Variants in CCSER1 observed in about 807,000 individuals in gnomAD.
CCSER1 encodes the protein serine-rich coiled-coil domain-containing protein 1.
CCSER1 carries 41 observed loss-of-function variants against 82.0 expected under a neutral mutation model. That is an observed-to-expected ratio of 0.50 (90% CI 0.39 to 0.65). The LOEUF is 0.65. Ranked by LOEUF, CCSER1 falls within the 30% of genes least tolerant of loss-of-function variation. The pLI, the probability that CCSER1 is intolerant of heterozygous loss-of-function variation, is 0.00. For missense variants in CCSER1, 1,119 were observed against 1,064.2 expected (o/e 1.05, Z -0.72); for synonymous variants, 414 against 383.9 (o/e 1.08, Z -0.92).
chr4:91,057,111 T>C lies in CCSER1; in HGVS notation c.2173-28839T>C, dbSNP rs115338071. Reference sequence around the variant, plus strand: ...AATCAGCAAGTAGAACAAAGATCCCTGATATTTGGAGGACAAGGTCCTTAT... The same window carrying C: ...AATCAGCAAGTAGAACAAAGATCCCCGATATTTGGAGGACAAGGTCCTTAT... On this transcript the variant is annotated intron_variant, in intron 9 of 10. Transcript: ENST00000509176. 4.7e-3 allele frequency among the ~76,000 whole-genome samples: 711 copies of C among 152,226 alleles called. 7 individuals are homozygous for C. Among genetic ancestry groups the C allele is most frequent in the African/African-American group, 0.016 (660 of 41,532 alleles).
In CCSER1 at chr4:91,487,506, T is replaced by A. The variant is rs1402363021; in HGVS notation, c.2218-111066T>A. Among the ~76,000 whole-genome samples, 3 of 152,130 alleles carry A rather than the reference T, an allele frequency of 2.0e-5. No individual in the cohort carries two copies. In the East Asian group the frequency reaches 5.8e-4, roughly 29 times the overall value. On this transcript the variant is annotated intron_variant, in intron 10 of 10. Transcript: ENST00000509176. ...AAAGTAAAAGTTCTAATGGAACAGG[T>A]AGTAAGTCAGGAAATGGGTACTTTA...
At chr4:90,662,144 G>A (rs556410093) in intron 6 of CCSER1, among the ~76,000 whole-genome samples, 86 of 151,810 alleles carry the variant, frequency 5.7e-4, no homozygotes, top group African/African-American at 1.8e-3. Flanking sequence ...GACTACAGGC[G>A]CTCGCCACCA....
At chr4:91,525,792 T>C (rs1053918188) in intron 10 of CCSER1, among the ~76,000 whole-genome samples, 5 of 152,096 alleles carry the variant, frequency 3.3e-5, no homozygotes, top group Non-Finnish European at 5.9e-5. Flanking sequence ...CCTATGGACT[T>C]TGATACTGTA....
At chr4:90,756,171 T>C (rs1243767234) in intron 7 of CCSER1, among the ~76,000 whole-genome samples, 1 of 152,128 alleles carries the variant, frequency 6.6e-6, no homozygotes. Flanking sequence ...GAGATTGCAG[T>C]GAGCTGAGAT....
intron 1 of CCSER1, among the ~76,000 whole-genome samples, chr4:90,278,242 G>A (rs532300228): frequency 2.0e-5 from 3 of 152,162 alleles, no homozygotes; most frequent in East Asian, 1.9e-4. Flanking sequence ...ATGCAAATTC[G>A]TCCAGCCACT....
intron 1 of CCSER1, among the ~76,000 whole-genome samples, chr4:90,188,341 AT>A (rs1367541567): frequency 6.6e-6 from 1 of 151,962 alleles, no homozygotes; most frequent in African/African-American, 2.4e-5. Context: ...TTATCAGTAT[AT>A]ATTTTTCAGT....
At chr4:91,271,015 T>C (rs980989506) in intron 10 of CCSER1, among the ~76,000 whole-genome samples, 1 of 152,200 alleles carries the variant, frequency 6.6e-6, no homozygotes, top group Admixed American at 6.5e-5. Context: ...CACTAACTTA[T>C]TCTTAAATAT....
chr4:90,276,186 TTTTCTTTCTTTCTTTCTTTC>T (rs1158531206), intron 1 of CCSER1, among the ~76,000 whole-genome samples: 21 of 113,316 alleles, frequency 1.9e-4, no homozygotes, highest in African/African-American at 4.0e-4. Flanking sequence ...TTGAACACTG[TTTTCTTTCTTTCTTTCTTTC>T]TTTCTTTCTT....
At chr4:91,385,377 T>C (rs1191475865) in intron 10 of CCSER1, among the ~76,000 whole-genome samples, 3 of 151,892 alleles carry the variant, frequency 2.0e-5, no homozygotes, top group Non-Finnish European at 4.4e-5. Flanking sequence ...AATATGCATA[T>C]ACCAACTTAT....
chr4:90,209,854 A>G (rs1739622738), intron 1 of CCSER1, among the ~76,000 whole-genome samples: 1 of 151,958 alleles, frequency 6.6e-6, no homozygotes, highest in African/African-American at 2.4e-5. Flanking sequence ...ATCATTGTTA[A>G]AGGACTGTCC....
rs1746141965 is a variant in CCSER1 at position 91,320,773 on chromosome 4, A to G, written c.2217+234779A>G. Among the ~76,000 whole-genome samples, 2 of 152,090 alleles carry G rather than the reference A, an allele frequency of 1.3e-5. 1 individual carries two copies. Among genetic ancestry groups the G allele is most frequent in the Admixed American group, 1.3e-4 (2 of 15,236 alleles). On this transcript the variant is annotated intron_variant, in intron 10 of 10. Transcript: ENST00000509176. ...TGTTTTAATAAAACCAGGAAAGCAC[A>G]GTTTCCCATTCTTATCTCTGGTTCA...
chr4:91,169,199 A>G (rs1360118243), intron 10 of CCSER1, among the ~76,000 whole-genome samples: 2 of 94,632 alleles, frequency 2.1e-5, no homozygotes, highest in South Asian at 3.6e-4. Flanking sequence ...ATCAATAAAT[A>G]CTAAAAAAAA....
intron 3 of CCSER1, among the ~76,000 whole-genome samples, chr4:90,385,002 G>C (rs1749791860): frequency 6.6e-6 from 1 of 152,116 alleles, no homozygotes; most frequent in South Asian, 2.1e-4. Flanking sequence ...TTCTGTTCCT[G>C]AGTTACTTCA....
intron 10 of CCSER1, among the ~76,000 whole-genome samples, chr4:91,586,600 T>C (rs1452356350): frequency 6.6e-6 from 1 of 151,748 alleles, no homozygotes; most frequent in East Asian, 1.9e-4. Flanking sequence ...CAAGTATCCA[T>C]TTTACTTGAC....
At chr4:91,456,003 A>G (rs1269554290) in intron 10 of CCSER1, among the ~76,000 whole-genome samples, 1 of 152,090 alleles carries the variant, frequency 6.6e-6, no homozygotes, top group Non-Finnish European at 1.5e-5. Context: ...GATAATGAGA[A>G]TCTGAATCAT....
At chr4:91,438,031 T>G (rs911230230) in intron 10 of CCSER1, among the ~76,000 whole-genome samples, 3 of 152,184 alleles carry the variant, frequency 2.0e-5, no homozygotes, top group Non-Finnish European at 2.9e-5. Context: ...CCTGCCTCTG[T>G]AGGCTCCACC....
At chr4:90,573,609 C>G (rs920932259) in intron 5 of CCSER1, among the ~76,000 whole-genome samples, 3 of 152,176 alleles carry the variant, frequency 2.0e-5, no homozygotes, top group Admixed American at 6.5e-5. Flanking sequence ...AAGTTGGTTT[C>G]TGTTGCTCTT....
At chr4:90,567,037 CA>C (rs142427787) in intron 5 of CCSER1, among the ~76,000 whole-genome samples, 1 of 150,650 alleles carries the variant, frequency 6.6e-6, no homozygotes, top group African/African-American at 2.4e-5. Context: ...AAAACAAAAA[CA>C]AAAAAACCTC....
At chr4:90,540,369 A>C (rs1775955119) in intron 5 of CCSER1, among the ~76,000 whole-genome samples, 1 of 152,058 alleles carries the variant, frequency 6.6e-6, no homozygotes, top group Non-Finnish European at 1.5e-5. Context: ...AAACTAGATA[A>C]GGCCTATTAT....
Sources: allele counts gnomAD v4.1 joint callset (sites outside exome capture counted in the v4.1 genomes callset), GRCh38; gene constraint gnomAD v4.1.1; transcripts MANE v1.5; gene names NCBI Gene and HGNC (gene_info 2026-07-23, HGNC 2026-07-21).